Variants in SPACA6 observed in about 807,000 individuals in gnomAD.
SPACA6 encodes the protein sperm acrosome membrane-associated protein 6.
For missense variants in SPACA6, 8 were observed against 2.8 expected, an observed-to-expected ratio of 2.88 and a Z score of -1.34; for synonymous variants, 6 against 1.5, an observed-to-expected ratio of 4.05 and a Z score of -2.21.
At chr19:51,683,132 C>T in the SPACA6 span, among the ~76,000 whole-genome samples, 1 of 152,184 alleles carries the variant, frequency 6.6e-6, no homozygotes, top group Non-Finnish European at 1.5e-5. Context: ...CCAGCTTCCT[C>T]TGTAGGCCCC....
intron 2 of SPACA6, among the ~76,000 whole-genome samples, chr19:51,699,753 A>G (rs1288090580): frequency 6.6e-6 from 1 of 152,078 alleles, no homozygotes; most frequent in Non-Finnish European, 1.5e-5. Context: ...TTAAGAACCA[A>G]GTACAGTCAC....
intron 3 of SPACA6, 156 bp from the exon 4 acceptor site, chr19:51,702,473 A>AACCCAGCCGGC: frequency 2.5e-6 from 1 of 393,352 alleles, no homozygotes; most frequent in Admixed American, 4.5e-5. Context: ...CCCCAGGTGG[A>AACCCAGCCGGC]ACCCAGCCGG....
chr19:51,696,101 T>C (rs1331514866), intron 2 of SPACA6, among the ~76,000 whole-genome samples: 1 of 152,098 alleles, frequency 6.6e-6, no homozygotes, highest in East Asian at 1.9e-4. Context: ...GTTGAGTCTC[T>C]TTCCTCAGGG....
At chr19:51,712,028 T>C (rs2083543677) in intron 2 of SPACA6, 1 of 152,198 alleles carries the variant, frequency 6.6e-6, no homozygotes, top group African/African-American at 2.4e-5. Context: ...ACTTCTTTTT[T>C]TTAGATGGAG....
downstream of SPACA6, among the ~76,000 whole-genome samples, chr19:51,709,474 G>A (rs1398033031): frequency 2.9e-5 from 4 of 136,944 alleles, no homozygotes; most frequent in Admixed American, 8.1e-5. Context: ...CTGAGATTGC[G>A]CCATTGCACT....
intron 2 of SPACA6, among the ~76,000 whole-genome samples, chr19:51,694,771 C>T (rs1298139302): frequency 2.6e-5 from 4 of 152,136 alleles, no homozygotes; most frequent in Non-Finnish European, 5.9e-5. Context: ...GGGGAAGGGA[C>T]GCTGCAGAAA....
At chr19:51,702,873 T>C in intron 4 of SPACA6, 148 bp from the exon 5 acceptor site, 1 of 397,966 alleles carries the variant, frequency 2.5e-6, no homozygotes, top group East Asian at 3.6e-5. Flanking sequence ...CGGAGAGGAG[T>C]GAGAGTCGGC....
upstream of SPACA6, chr19:51,685,587 G>A (rs2083324708): frequency 6.6e-6 from 1 of 152,178 alleles, no homozygotes; most frequent in Non-Finnish European, 1.5e-5. Context: ...CCAGGCTGGA[G>A]TGCAGCCTCA....
chr19:51,687,266 C>A (rs1029549972), upstream of SPACA6: 5 of 77,458 alleles, frequency 6.5e-5, no homozygotes, highest in South Asian at 9.4e-4. Flanking sequence ...TAAATACATA[C>A]ATACATACAT....
At chr19:51,702,180 G>A (rs1178783569) in intron 3 of SPACA6, among the ~76,000 whole-genome samples, 1 of 151,924 alleles carries the variant, frequency 6.6e-6, no homozygotes, top group Non-Finnish European at 1.5e-5. Context: ...TTTTTGATCT[G>A]GCCCCGCCCC....
chr19:51,701,876 C>T (rs764263339), intron 3 of SPACA6, 150 bp downstream of exon 3: 1 of 373,114 alleles, frequency 2.7e-6, no homozygotes, highest in Non-Finnish European at 4.8e-6. Flanking sequence ...AGTTCAAAAG[C>T]AGTCTGACCA....
chr19:51,704,651 A>G, intron 8 of SPACA6, 171 bp downstream of exon 8: 1 of 398,256 alleles, frequency 2.5e-6, no homozygotes, highest in Non-Finnish European at 4.4e-6. Flanking sequence ...CCAGGAATCC[A>G]AGTCCCCAGC....
upstream of SPACA6, chr19:51,687,429 AT>A (rs1340004164): frequency 6.7e-6 from 1 of 149,742 alleles, no homozygotes; most frequent in Non-Finnish European, 1.5e-5. Context: ...TTATATCACT[AT>A]TAAAATGAAT....
upstream of SPACA6, among the ~76,000 whole-genome samples, chr19:51,691,096 T>G (rs79689162): frequency 6.7e-6 from 1 of 150,206 alleles, no homozygotes; most frequent in Non-Finnish European, 1.5e-5. Context: ...CTCCCCCTCC[T>G]CAGGTCGCTA....
At chr19:51,705,356 C>T (rs2083510531), downstream of SPACA6, 1 of 361,992 alleles carries the variant, frequency 2.8e-6, no homozygotes, top group South Asian at 1.5e-4. Context: ...TACTGGCTGT[C>T]TCCTTGACAT....
intron 2 of SPACA6, among the ~76,000 whole-genome samples, chr19:51,710,546 T>C (rs2083537013): frequency 6.6e-6 from 1 of 152,140 alleles, no homozygotes; most frequent in African/African-American, 2.4e-5. Flanking sequence ...GAGATGCCTA[T>C]TAGGCATCCA....
At chr19:51,709,990 C>T (rs990801577), downstream of SPACA6, among the ~76,000 whole-genome samples, 3 of 152,194 alleles carry the variant, frequency 2.0e-5, no homozygotes. Flanking sequence ...GCAGCACCAG[C>T]CACGTGTGGC....
At position 51,703,941 on chromosome 19, in the gene SPACA6, A is replaced by AGGGGGCGTG. The variant is rs2083491302; in HGVS notation, c.574-87_574-79dup. ...GCTCAAGGCTCAGGGCCAGGACTCC[A>AGGGGGCGTG]GGGGGCGTGGTCTGGCTCGGGGGGC... On this transcript the variant is annotated intron_variant, in intron 6 of 8. Coordinates refer to ENST00000637797, the MANE Select transcript of SPACA6 (RefSeq NM_001316972.2). The surrounding 1 kb of genome is among the most constrained non-coding windows in gnomAD (Gnocchi z 4.2). 5 of 388,070 alleles carry AGGGGGCGTG rather than the reference A, an allele frequency of 1.3e-5. No homozygotes were observed. The East Asian group carries it at 1.8e-4, about 14-fold the overall frequency. The allele number at this position is 388,070 out of a possible 1,614,324, so 24.0% of individuals were successfully genotyped here. A position where few individuals can be genotyped will look rare whatever the true frequency, so the allele number is the denominator to read the frequency against.
intron 2 of SPACA6, among the ~76,000 whole-genome samples, chr19:51,710,715 G>A (rs1466619478): frequency 2.0e-5 from 3 of 152,190 alleles, no homozygotes; most frequent in Non-Finnish European, 4.4e-5. Flanking sequence ...GGTATAGATG[G>A]GTAAGAGACG....
Sources: gnomAD v4.1 joint callset for allele counts (sites outside exome capture counted in the v4.1 genomes callset) on GRCh38, gnomAD v4.1.1 for gene constraint, Gnocchi (gnomAD v3.1) non-coding constraint, MANE v1.5 for transcripts, NCBI Gene and HGNC (gene_info 2026-07-23, HGNC 2026-07-21) for gene names.